The following PIEZO2 variants were observed in gnomAD, a reference collection of about 807,000 sequenced individuals.
PIEZO2 encodes the protein piezo-type mechanosensitive ion channel component 2.
A neutral mutation model predicts 337.3 loss-of-function variants in PIEZO2; 172 were observed. That is an observed-to-expected ratio of 0.51 (90% confidence interval 0.45 to 0.58). PIEZO2 has a LOEUF of 0.58. Ranked by LOEUF, PIEZO2 falls within the 20% of genes least tolerant of loss-of-function variation. The pLI, the probability that PIEZO2 is intolerant of heterozygous loss-of-function variation, is 0.00. For missense variants in PIEZO2, 3,028 were observed against 3,391.3 expected, an observed-to-expected ratio of 0.89 and a Z score of 2.66; for synonymous variants, 1,251 against 1,228.5, an observed-to-expected ratio of 1.02 and a Z score of -0.38.
rs1014455822 is a variant in PIEZO2, at chr18:11,070,196, T to G, written c.65-3974A>C. Among the ~76,000 whole-genome samples, 1 of 152,238 alleles carries G rather than the reference T, an allele frequency of 6.6e-6. No individual in the cohort carries two copies. The highest frequency in any genetic ancestry group is 1.5e-5 in the Non-Finnish European group (1 of 68,042). ...GGCCAAAAACCTATGCAGCATATGTTACTGTGCTGAATACTATAGACAACT... is the reference window on the plus strand; with the variant it reads ...GGCCAAAAACCTATGCAGCATATGTGACTGTGCTGAATACTATAGACAACT... On this transcript the variant is annotated intron_variant, in intron 1 of 55. Coordinates refer to ENST00000674853, the MANE Select transcript of PIEZO2 (RefSeq NM_001378183.1). The surrounding 1 kb of genome is among the most constrained non-coding windows in gnomAD (Gnocchi z 4.3).
At position 10,819,355 on chromosome 18, in the gene PIEZO2, A is replaced by G. The variant is rs1367196777; in HGVS notation, c.918-12081T>C. On this transcript the variant is annotated intron_variant, in intron 7 of 55. Transcript: ENST00000674853. The surrounding 1 kb of genome is among the most constrained non-coding windows in gnomAD (Gnocchi z 4.3). ...TAAAGTGTACATTTTCTCTTTCATT[A>G]TTCTAATGAATATCTATTCAAAAAT... Among the ~76,000 whole-genome samples the G allele has an allele frequency of 1.3e-5, 2 of 152,208 alleles. No individual in the cohort carries two copies. Among genetic ancestry groups the G allele is most frequent in the African/African-American group, 4.8e-5 (2 of 41,456 alleles).
chr18:11,008,744 T>C (rs1354368004), intron 2 of PIEZO2, among the ~76,000 whole-genome samples: 1 of 152,226 alleles, frequency 6.6e-6, no homozygotes, highest in African/African-American at 2.4e-5. Flanking sequence ...TCAGGTGCTA[T>C]GGTGACAGAC....
intron 1 of PIEZO2, among the ~76,000 whole-genome samples, chr18:11,067,388 GA>G (rs149098601): frequency 8.0e-5 from 12 of 149,472 alleles, no homozygotes; most frequent in East Asian, 5.9e-4. Flanking sequence ...CTTTCTTTAA[GA>G]AAAAAAAAAT....
rs2033399128 is a variant in PIEZO2, at chr18:10,953,732, A to AT, written c.286+25802dup. On this transcript the variant is annotated intron_variant, in intron 3 of 55. Coordinates refer to ENST00000674853, the MANE Select transcript of PIEZO2 (RefSeq NM_001378183.1). The surrounding 1 kb of genome is among the most constrained non-coding windows in gnomAD (Gnocchi z 5.2). Reference sequence around the variant, plus strand: ...AACACTGGGCAGATAGATGGGCAGCATTTTATTACCCACATCTACTCATGG... The same window carrying AT: ...AACACTGGGCAGATAGATGGGCAGCATTTTTATTACCCACATCTACTCATGG... Among the ~76,000 whole-genome samples, 2 of 152,098 alleles carry AT rather than the reference A, an allele frequency of 1.3e-5. No individual in the cohort carries two copies. Among genetic ancestry groups the AT allele is most frequent in the African/African-American group, 4.8e-5 (2 of 41,370 alleles).
rs2040252069 is a variant in PIEZO2 at position 10,813,190 on chromosome 18, A to G, written c.918-5916T>C. On this transcript the variant is annotated intron_variant, in intron 7 of 55. Coordinates refer to ENST00000674853, the MANE Select transcript of PIEZO2 (RefSeq NM_001378183.1). This position sits in a 1 kb window ranked among gnomAD's most constrained non-coding sequence, Gnocchi z 4.2. ...GAGAAGGGATTTCACCATGTTGGCCAGGCTGGTCTCCAACTCCTGACCTCG... is the reference window on the plus strand; with the variant it reads ...GAGAAGGGATTTCACCATGTTGGCCGGGCTGGTCTCCAACTCCTGACCTCG... Among the ~76,000 whole-genome samples the G allele has an allele frequency of 6.6e-6, 1 of 152,148 alleles. No individual in the cohort carries two copies. The highest frequency in any genetic ancestry group is 2.1e-4 in the South Asian group (1 of 4,822).
chr18:11,141,812 T>C (rs948948396), intron 1 of PIEZO2, among the ~76,000 whole-genome samples: 2 of 151,748 alleles, frequency 1.3e-5, no homozygotes, highest in African/African-American at 4.8e-5. Flanking sequence ...ATAACCTGAG[T>C]TTGGGTTGCA....
rs1555691391 is a variant in PIEZO2 at position 11,001,946 on chromosome 18, G to GAAGGAAGGAAGCAAGGAAGGAAGA, written c.161-22287_161-22286insTCTTCCTTCCTTGCTTCCTTCCTT. Among the ~76,000 whole-genome samples, 1 of 143,346 alleles carries GAAGGAAGGAAGCAAGGAAGGAAGA rather than the reference G, an allele frequency of 7.0e-6. No homozygotes were observed. The highest frequency in any genetic ancestry group is 2.6e-5 in the African/African-American group (1 of 38,392). 94.0% of individuals were successfully genotyped at this position (143,346 alleles called of 152,430 possible). A position where few individuals can be genotyped will look rare whatever the true frequency, so the allele number is the denominator to read the frequency against. ...GGAAGGAAGGAAGGAAGGAAGGAAG[G>GAAGGAAGGAAGCAAGGAAGGAAGA]AAGAAAAAAAGACTTGGAAGGAGCC... is the stretch of plus-strand genomic sequence containing the variant. On this transcript the variant is annotated intron_variant, in intron 2 of 55. Coordinates refer to ENST00000674853, the MANE Select transcript of PIEZO2 (RefSeq NM_001378183.1). This position sits in a 1 kb window ranked among gnomAD's most constrained non-coding sequence, Gnocchi z 5.3.
intron 1 of PIEZO2, among the ~76,000 whole-genome samples, chr18:11,138,199 T>C (rs557788995): frequency 6.6e-6 from 1 of 152,360 alleles, no homozygotes; most frequent in South Asian, 2.1e-4. Flanking sequence ...TTATAGTCCT[T>C]GCTGGGTAGC....
At chr18:10,823,729 T>C (rs2040588016) in intron 7 of PIEZO2, among the ~76,000 whole-genome samples, 1 of 152,160 alleles carries the variant, frequency 6.6e-6, no homozygotes, top group Non-Finnish European at 1.5e-5. Context: ...AGCTAGTCTT[T>C]GAAGAATCAG....
intron 4 of PIEZO2, among the ~76,000 whole-genome samples, chr18:10,896,151 T>C (rs1170342775): frequency 6.6e-6 from 1 of 151,754 alleles, no homozygotes; most frequent in Admixed American, 6.6e-5. Context: ...CACACACTAG[T>C]ATTCCTGGGG....
At chr18:10,751,238 T>G (rs962373366) in intron 28 of PIEZO2, among the ~76,000 whole-genome samples, 1 of 152,170 alleles carries the variant, frequency 6.6e-6, no homozygotes, top group African/African-American at 2.4e-5. Flanking sequence ...CATCAAATAG[T>G]GCTCAGTAAA....
rs765592065 is a variant in PIEZO2, at chr18:10,696,129, G to A, written c.7135C>T (p.Leu2379Phe). ...ATCCAGAAGTGAATTCCGAACACAA[G>A]AATGACCTGGAAGATGACCTTTCCC... Reference protein sequence around the residue: ...VLGKVIFQVILVFGIHFWMFF... With the variant: ...VLGKVIFQVIFVFGIHFWMFF... Residue 2379 changes from leucine (L) to phenylalanine (F), a missense_variant, in exon 47 of 56, where the codon CTT becomes TTT. Around this residue, in one of 5 missense-constraint regions of PIEZO2, gnomAD observed 179 missense variants for 281.8 expected, o/e 0.64. Transcript: ENST00000674853. 5.6e-6 allele frequency: 9 copies of A among 1,614,198 alleles called. No individual in the cohort carries two copies. In the East Asian group the frequency reaches 1.1e-4, roughly 20 times the overall value.
rs1568009235 is a variant in PIEZO2, at chr18:10,744,122, A to T, written c.4514+20T>A. 4 of 1,490,440 alleles carry T rather than the reference A, an allele frequency of 2.7e-6. No homozygotes were observed. The highest frequency in any genetic ancestry group is 3.6e-6 in the Non-Finnish European group (4 of 1,105,032). The allele number at this position is 1,490,440 out of a possible 1,614,324, so 92.3% of individuals were successfully genotyped here. A position where few individuals can be genotyped will look rare whatever the true frequency, so the allele number is the denominator to read the frequency against. Reference sequence around the variant, plus strand: ...ACAATCAGAAGACGGAAGGAGGATGAGCATCAATAGCATCCTTACTGTCGC... The same window carrying T: ...ACAATCAGAAGACGGAAGGAGGATGTGCATCAATAGCATCCTTACTGTCGC... On this transcript the variant is annotated intron_variant, in intron 31 of 55. Transcript: ENST00000674853.
intron 20 of PIEZO2, among the ~76,000 whole-genome samples, chr18:10,772,730 T>C (rs543552229): frequency 2.0e-5 from 3 of 152,220 alleles, no homozygotes; most frequent in Admixed American, 6.5e-5. Flanking sequence ...AACTGCTACA[T>C]AGACTTTATA....
intron 2 of PIEZO2, among the ~76,000 whole-genome samples, chr18:11,053,677 G>A (rs2037611949): frequency 6.6e-6 from 1 of 152,204 alleles, no homozygotes; most frequent in African/African-American, 2.4e-5. Context: ...ATATTGACCA[G>A]TATGTGGCAC....
At chr18:11,119,635 G>A (rs911782061) in intron 1 of PIEZO2, among the ~76,000 whole-genome samples, 1 of 152,018 alleles carries the variant, frequency 6.6e-6, no homozygotes, top group Non-Finnish European at 1.5e-5. Context: ...GAGTAGGGAC[G>A]AGGCAACAAA....
chr18:10,681,977 A>G (rs1162310660), intron 50 of PIEZO2, 127 bp downstream of exon 50: 47 of 981,732 alleles, frequency 4.8e-5, no homozygotes, highest in Non-Finnish European at 6.6e-5. Context: ...TACATCAAGT[A>G]TTTGCTGAGC....
chr18:10,784,586 A>G lies in PIEZO2; in HGVS notation c.2492+198T>C, dbSNP rs1417376480. Among the ~76,000 whole-genome samples, 3 of 152,240 alleles carry G rather than the reference A, an allele frequency of 2.0e-5. No individual in the cohort carries two copies. The highest frequency in any genetic ancestry group is 6.5e-5 in the Admixed American group (1 of 15,286). On this transcript the variant is annotated intron_variant, in intron 17 of 55. Transcript: ENST00000674853. This position sits in a 1 kb window ranked among gnomAD's most constrained non-coding sequence, Gnocchi z 4.5. The stretch of plus-strand genomic sequence containing the variant: ...AGATCACTTTACATTAACCAGTCAT[A>G]AGTCACTACCCATTGTTTCAGAACG...
At chr18:10,989,439 T>C (rs2035008034) in intron 2 of PIEZO2, among the ~76,000 whole-genome samples, 1 of 151,972 alleles carries the variant, frequency 6.6e-6, no homozygotes. Context: ...AACTGTGACT[T>C]TGGAGTGACG....
Sources: allele counts gnomAD v4.1 joint callset (sites outside exome capture counted in the v4.1 genomes callset), GRCh38; gene constraint gnomAD v4.1.1; regional missense constraint gnomAD v4.1.1; non-coding constraint Gnocchi (gnomAD v3.1); transcripts MANE v1.5; gene names NCBI Gene and HGNC (gene_info 2026-07-23, HGNC 2026-07-21).